COG5: variants seen among roughly 807,000 people sequenced by gnomAD.
COG5 encodes component of oligomeric golgi complex 5, also known as conserved oligomeric Golgi complex subunit 5.
In COG5, 86 loss-of-function variants were observed where a neutral mutation model predicts 110.4. The ratio of observed to expected loss-of-function variants is 0.78; its 90% confidence interval spans 0.65 to 0.93. The LOEUF is 0.93. COG5 is among the 40% of genes least tolerant of loss of function. COG5 has a pLI of 0.00. For synonymous variants in COG5, 360 were observed against 334.6 expected (o/e 1.08, Z -0.83); for missense variants, 1,077 against 987.0 (o/e 1.09, Z -1.22).
At chr7:107,434,969 TAAAA>T (rs1240287746) in intron 6 of COG5, among the ~76,000 whole-genome samples, 1 of 136,680 alleles carries the variant, frequency 7.3e-6, no homozygotes, top group Non-Finnish European at 1.6e-5. Context: ...GACTCCGTCT[TAAAA>T]AAAAAAAAAA....
intron 6 of COG5, among the ~76,000 whole-genome samples, chr7:107,482,166 G>A (rs971907017): frequency 2.0e-5 from 3 of 151,464 alleles, no homozygotes; most frequent in Non-Finnish European, 4.4e-5. Context: ...GGGGGAGACA[G>A]GGACTCGCTC....
chr7:107,309,449 T>C (rs1294569846), intron 11 of COG5, among the ~76,000 whole-genome samples: 2 of 152,164 alleles, frequency 1.3e-5, no homozygotes, highest in Non-Finnish European at 2.9e-5. Context: ...TGTTCTCTGA[T>C]AGGACTATAG....
chr7:107,307,225 C>A (rs963365754), intron 11 of COG5, among the ~76,000 whole-genome samples: 1 of 152,142 alleles, frequency 6.6e-6, no homozygotes, highest in Admixed American at 6.6e-5. Flanking sequence ...CAATTGCCAA[C>A]AACAGTGGGC....
At chr7:107,212,063 T>G (rs531814241) in intron 19 of COG5, among the ~76,000 whole-genome samples, 10 of 152,348 alleles carry the variant, frequency 6.6e-5, no homozygotes, top group African/African-American at 2.2e-4. Context: ...TAATTATGAA[T>G]GAAGGCCTGT....
intron 17 of COG5, among the ~76,000 whole-genome samples, chr7:107,238,904 T>C (rs1801408491): frequency 6.6e-6 from 1 of 152,238 alleles, no homozygotes; most frequent in Admixed American, 6.5e-5. Context: ...CCGTATCAGA[T>C]GTATGGCTTG....
intron 3 of COG5, among the ~76,000 whole-genome samples, chr7:107,549,484 C>T (rs527377096): frequency 4.6e-5 from 7 of 152,082 alleles, no homozygotes; most frequent in Non-Finnish European, 8.8e-5. Flanking sequence ...CTCCGCCTCC[C>T]GGGTTCACGC....
chr7:107,501,693 T>C (rs1251809471), intron 6 of COG5, among the ~76,000 whole-genome samples: 1 of 152,168 alleles, frequency 6.6e-6, no homozygotes, highest in African/African-American at 2.4e-5. Context: ...CTTGTGTGTA[T>C]AATTTCTATA....
At chr7:107,334,667 T>C (rs919501427) in intron 10 of COG5, among the ~76,000 whole-genome samples, 1 of 151,350 alleles carries the variant, frequency 6.6e-6, no homozygotes, top group Non-Finnish European at 1.5e-5. Flanking sequence ...CTATCCAAAA[T>C]ACTGTATTCA....
In COG5 at chr7:107,203,312, C is replaced by T; in HGVS notation, c.*204G>A. The T allele has an allele frequency of 1.7e-6, 1 of 584,750 alleles. No homozygotes were observed. 36.2% of individuals were successfully genotyped at this position (584,750 alleles called of 1,614,324 possible). A position where few individuals can be genotyped will look rare whatever the true frequency, so the allele number is the denominator to read the frequency against. On this transcript the variant is annotated 3_prime_UTR_variant, in exon 22 of 22. Transcript: ENST00000297135. ...AACATCTTTCTGGAAAAATCAGGTC[C>T]ATGGAATTGAAAGGTGGTGATAACT...
chr7:107,414,744 C>T (rs1402761534), intron 6 of COG5, among the ~76,000 whole-genome samples: 2 of 51,406 alleles, frequency 3.9e-5, no homozygotes, highest in Non-Finnish European at 9.2e-5. Context: ...TTTTTTTTTT[C>T]CGAGACTCAG....
At position 107,474,029 on chromosome 7, in the gene COG5, T is replaced by C; in HGVS notation, c.538+53208A>G. 8.6e-7 allele frequency: 1 copy of C among 1,161,406 alleles called. No individual in the cohort carries two copies. The highest frequency in any genetic ancestry group is 1.2e-6 in the Non-Finnish European group (1 of 805,990). 71.9% of individuals were successfully genotyped at this position (1,161,406 alleles called of 1,614,324 possible). A position where few individuals can be genotyped will look rare whatever the true frequency, so the allele number is the denominator to read the frequency against. ...ATCAAATAGTTTATTCTATTTCACT[T>C]TCTAGGGAAAAAAACCAACTGCTCC... On this transcript the variant is annotated intron_variant, in intron 6 of 21. Transcript: ENST00000297135. The surrounding 1 kb of genome is among the most constrained non-coding windows in gnomAD (Gnocchi z 5.7).
chr7:107,494,022 C>A (rs189024465), intron 6 of COG5, among the ~76,000 whole-genome samples: 2 of 151,868 alleles, frequency 1.3e-5, no homozygotes, highest in Non-Finnish European at 2.9e-5. Flanking sequence ...AGCAATAGAC[C>A]CCAAAAACCA....
At chr7:107,514,115 A>G (rs552320382) in intron 6 of COG5, among the ~76,000 whole-genome samples, 1 of 152,278 alleles carries the variant, frequency 6.6e-6, no homozygotes, top group East Asian at 1.9e-4. Flanking sequence ...TATTGCAGCT[A>G]GGCAATAAAA....
At chr7:107,444,603 C>A (rs1300801026) in intron 6 of COG5, among the ~76,000 whole-genome samples, 2 of 152,138 alleles carry the variant, frequency 1.3e-5, no homozygotes, top group African/African-American at 4.8e-5. Context: ...TTGTTAATAT[C>A]TTTTTGAATA....
intron 6 of COG5, among the ~76,000 whole-genome samples, chr7:107,413,954 C>T (rs1792505212): frequency 6.6e-6 from 1 of 152,126 alleles, no homozygotes; most frequent in Non-Finnish European, 1.5e-5. Flanking sequence ...ACCGGTAAAA[C>T]AGAATTAAAA....
In COG5 at chr7:107,210,234, G is replaced by A. The variant is rs1051766948; in HGVS notation, c.2375+292C>T. ...CGGAGCTAGGGCAAAACTTTTCATA[G>A]CAAATGATGATTTTCAAAGGTACAA... On this transcript the variant is annotated intron_variant, in intron 21 of 21. Transcript: ENST00000297135. The A allele has an allele frequency of 3.2e-6, 4 of 1,259,932 alleles. No individual in the cohort carries two copies. The East Asian group carries it at 9.3e-5, about 29-fold the overall frequency. The allele number at this position is 1,259,932 out of a possible 1,614,324, so 78.0% of individuals were successfully genotyped here.
chr7:107,324,587 G>A, intron 10 of COG5, 66 bp from the exon 11 acceptor site: 9 of 867,884 alleles, frequency 1.0e-5, no homozygotes, highest in South Asian at 3.2e-5. Flanking sequence ...AATCATAATG[G>A]GTAACACGTA....
At chr7:107,435,457 A>G (rs978339579) in intron 6 of COG5, among the ~76,000 whole-genome samples, 9 of 152,162 alleles carry the variant, frequency 5.9e-5, no homozygotes, top group African/African-American at 2.2e-4. Context: ...ATTTGAGACC[A>G]GCCTGACCAA....
intron 7 of COG5, among the ~76,000 whole-genome samples, chr7:107,412,286 T>G (rs889637423): frequency 6.6e-6 from 1 of 152,098 alleles, no homozygotes; most frequent in African/African-American, 2.4e-5. Context: ...ATATACATTA[T>G]ACATTAGAAA....
Sources: allele counts gnomAD v4.1 joint callset (sites outside exome capture counted in the v4.1 genomes callset), GRCh38; gene constraint gnomAD v4.1.1; non-coding constraint Gnocchi (gnomAD v3.1); transcripts MANE v1.5; gene names NCBI Gene and HGNC (gene_info 2026-07-23, HGNC 2026-07-21).